ABCA5: variants seen among roughly 807,000 people sequenced by gnomAD.
ABCA5 encodes cholesterol transporter ABCA5.
ABCA5 carries 163 observed loss-of-function variants against 206.0 expected under a neutral mutation model. The observed-to-expected ratio is 0.79, with a 90% CI of 0.70 to 0.90. The LOEUF is 0.90. Among genes scored for constraint, ABCA5 ranks in the 40% least tolerant of loss-of-function variants. The probability of loss-of-function intolerance (pLI) is 0.00; values close to 1 mark genes in which losing one functional copy is unlikely to be tolerated. For synonymous variants in ABCA5, 609 were observed against 613.8 expected (o/e 0.99, Z 0.11); for missense variants, 1,859 against 1,912.9 (o/e 0.97, Z 0.53).
At chr17:69,268,190 T>C (rs1428678673) in intron 22 of ABCA5, 134 bp from the exon 23 acceptor site, 5 of 544,096 alleles carry the variant, frequency 9.2e-6, no homozygotes, top group Non-Finnish European at 1.7e-5. Flanking sequence ...AACCCAGGCA[T>C]AGTCTACATG....
chr17:69,277,468 A>T (rs557570001), intron 19 of ABCA5, among the ~76,000 whole-genome samples, 173 bp downstream of exon 19: 2 of 152,316 alleles, frequency 1.3e-5, no homozygotes, highest in African/African-American at 4.8e-5. Context: ...AAGACAGGGT[A>T]TTCGATGAAA....
intron 7 of ABCA5, among the ~76,000 whole-genome samples, chr17:69,303,808 ACATACATATATATATATG>A (rs2075681614): frequency 8.9e-4 from 6 of 6,706 alleles, no homozygotes; most frequent in African/African-American, 9.8e-4. Flanking sequence ...ATATATATAT[ACATACATATATATATATG>A]TATATATATA....
intron 23 of ABCA5, among the ~76,000 whole-genome samples, chr17:69,266,150 T>A (rs1350510700): frequency 2.6e-5 from 4 of 152,184 alleles, no homozygotes; most frequent in Non-Finnish European, 5.9e-5. Context: ...AAAATGCTAT[T>A]TGAAAAAAGC....
chr17:69,255,654 A>C lies in ABCA5; in HGVS notation c.3977-20T>G. On this transcript the variant is annotated intron_variant, in intron 30 of 38. Coordinates refer to ENST00000392676, the MANE Select transcript of ABCA5 (RefSeq NM_172232.4). ...TCTCTCCTAAAGGAATTGAAAGAAA[A>C]AAAAATCATAATCAAATCATACTAA... is the stretch of plus-strand genomic sequence containing the variant. The C allele has an allele frequency of 6.4e-7, 1 of 1,574,434 alleles. No individual in the cohort carries two copies. The highest frequency in any genetic ancestry group is 2.2e-5 in the East Asian group (1 of 44,466).
Position 69,287,464 on chromosome 17 carries a change from C to G in ABCA5, c.2041+149G>C. The stretch of plus-strand genomic sequence containing the variant: ...GGAGATTCTCAACACAAAAATGTAT[C>G]ATTTTAAAATTTTTTAGAACTTTTT... On this transcript the variant is annotated intron_variant, in intron 15 of 38. Transcript: ENST00000392676. 3 of 1,095,934 alleles carry G rather than the reference C, an allele frequency of 2.7e-6. No individual in the cohort carries two copies. The South Asian group carries it at 6.6e-5, about 24-fold the overall frequency. The allele number at this position is 1,095,934 out of a possible 1,614,324, so 67.9% of individuals were successfully genotyped here.
intron 4 of ABCA5, 57 bp from the exon 5 acceptor site, chr17:69,308,425 T>G: frequency 8.4e-7 from 1 of 1,187,030 alleles, no homozygotes; most frequent in Middle Eastern, 1.9e-4. Flanking sequence ...GTGCATCGTT[T>G]TAAAGATATT....
At chr17:69,323,890 T>A (rs1369786580) in intron 1 of ABCA5, among the ~76,000 whole-genome samples, 2 of 152,140 alleles carry the variant, frequency 1.3e-5, no homozygotes, top group Non-Finnish European at 2.9e-5. Context: ...GGTTGAAAAA[T>A]AATAATAATA....
chr17:69,310,649 CAGATA>C (rs2075759339), intron 3 of ABCA5, among the ~76,000 whole-genome samples: 1 of 152,166 alleles, frequency 6.6e-6, no homozygotes, highest in Non-Finnish European at 1.5e-5. Context: ...TCTTTCTCAT[CAGATA>C]AGACTAATTT....
chr17:69,312,310 T>A (rs2075778190), intron 3 of ABCA5, among the ~76,000 whole-genome samples: 1 of 152,144 alleles, frequency 6.6e-6, no homozygotes, highest in Non-Finnish European at 1.5e-5. Context: ...AAGACTTAGG[T>A]GGCACTTTAG....
chr17:69,294,861 AAAT>A, intron 10 of ABCA5, 148 bp from the exon 11 acceptor site: 4 of 529,850 alleles, frequency 7.5e-6, no homozygotes, highest in Non-Finnish European at 1.3e-5. Context: ...ACAATGAACC[AAAT>A]AATGTTGATA....
chr17:69,252,249 C>T (rs934296931), intron 34 of ABCA5, among the ~76,000 whole-genome samples: 6 of 151,978 alleles, frequency 3.9e-5, no homozygotes, highest in Non-Finnish European at 7.4e-5. Flanking sequence ...CTCCTGACCT[C>T]GTGGTCTGCT....
intron 5 of ABCA5, among the ~76,000 whole-genome samples, chr17:69,307,997 T>C (rs972372784): frequency 6.6e-6 from 1 of 152,142 alleles, no homozygotes; most frequent in Non-Finnish European, 1.5e-5. Flanking sequence ...ATTTGAATAG[T>C]TTGAATTCTA....
chr17:69,255,149 A>T (rs146744949), intron 31 of ABCA5, among the ~76,000 whole-genome samples: 1 of 152,292 alleles, frequency 6.6e-6, no homozygotes, highest in Non-Finnish European at 1.5e-5. Context: ...GAAGCAGGAA[A>T]TGGGATCAGG....
chr17:69,297,340 T>A lies in ABCA5; in HGVS notation c.1287A>T (p.Arg429Ser). The change falls in exon 10 of 39, where the codon AGA becomes AGT. Residue 429 changes from arginine (R) to serine (S), a missense_variant. By Grantham distance (110) the Arg-to-Ser change is moderately radical (BLOSUM62 -1). Coordinates refer to ENST00000392676, the MANE Select transcript of ABCA5 (RefSeq NM_172232.4). ...AAGGCTTCAGAAAATATAAAGATGA[T>A]CTCCGTAAGCCAAATTCCCCTGAAA... ...QVIPGEFGLR[R>S]SSLYFLKPSY... The A allele has an allele frequency of 6.2e-7, 1 of 1,600,644 alleles. No individual in the cohort carries two copies. Among genetic ancestry groups the A allele is most frequent in the Non-Finnish European group, 8.5e-7 (1 of 1,176,690 alleles).
Position 69,253,658 on chromosome 17 carries a change from C to A in ABCA5, c.4330G>T (p.Ala1444Ser), listed in dbSNP as rs754069144. Residue 1444 changes from alanine to serine, a missense_variant, in exon 34 of 39, where the codon GCT becomes TCT. Ala to Ser is a moderately conservative substitution (Grantham distance 99). Coordinates refer to ENST00000392676, the MANE Select transcript of ABCA5 (RefSeq NM_172232.4). ...PAGIKRKLCFALSMLGNPQIT... is the reference protein window; with the variant it reads ...PAGIKRKLCFSLSMLGNPQIT... Reference sequence around the variant, plus strand: ...TGAGGATTCCCTAGCATACTTAGAGCAAAACACAACTACATGGAAAGAAAA... The same window carrying A: ...TGAGGATTCCCTAGCATACTTAGAGAAAAACACAACTACATGGAAAGAAAA... 4 of 1,613,148 alleles carry A rather than the reference C, an allele frequency of 2.5e-6. No individual in the cohort carries two copies. The highest frequency in any genetic ancestry group is 3.4e-6 in the Non-Finnish European group (4 of 1,179,426).
rs1453296110 is a variant in ABCA5, at chr17:69,259,725, T to G, written c.3712A>C (p.Arg1238=). The G allele has an allele frequency of 6.2e-7, 1 of 1,605,976 alleles. No homozygotes were observed. Among genetic ancestry groups the G allele is most frequent in the East Asian group, 2.2e-5 (1 of 44,624 alleles). Residue 1238 remains arginine (R), a synonymous_variant, in exon 28 of 39, where the codon AGA becomes CGA. Coordinates refer to ENST00000392676, the MANE Select transcript of ABCA5 (RefSeq NM_172232.4). The stretch of plus-strand genomic sequence containing the variant: ...ACTGACCTGAAAAAGGGATCTTTTC[T>G]TATTGATCTGCCTCCATATTTTTTC... The part of the protein sequence containing the change: ...YEKKYGGRSI[R]KDPFFRNLST...
At position 69,326,658 on chromosome 17, in the gene ABCA5, T is replaced by C. The variant is rs1187629749; in HGVS notation, c.-16+394A>G. 1.3e-5 allele frequency among the ~76,000 whole-genome samples: 2 copies of C among 152,196 alleles called. No homozygotes were observed. The highest frequency in any genetic ancestry group is 2.1e-4 in the South Asian group (1 of 4,832). ...GACGGAAATTTACATCAATATTTGT[T>C]TTCCTTCTTTCCCTGAGGTTGCTGA... On this transcript the variant is annotated intron_variant, in intron 1 of 38. Coordinates refer to ENST00000392676, the MANE Select transcript of ABCA5 (RefSeq NM_172232.4). This position sits in a 1 kb window ranked among gnomAD's most constrained non-coding sequence, Gnocchi z 4.8.
intron 18 of ABCA5, among the ~76,000 whole-genome samples, chr17:69,281,559 T>A (rs193139526): frequency 8.1e-4 from 124 of 152,290 alleles, no homozygotes; most frequent in African/African-American, 2.9e-3. Flanking sequence ...CAGATAAATC[T>A]TCTTTGATCC....
At chr17:69,287,400 T>C (rs1208372711) in intron 15 of ABCA5, among the ~76,000 whole-genome samples, 1 of 152,192 alleles carries the variant, frequency 6.6e-6, no homozygotes, top group Non-Finnish European at 1.5e-5. Flanking sequence ...CTGAGTCATA[T>C]GAGTTCTTCT....
Sources: allele counts gnomAD v4.1 joint callset (sites outside exome capture counted in the v4.1 genomes callset), GRCh38; gene constraint gnomAD v4.1.1; non-coding constraint Gnocchi (gnomAD v3.1); transcripts MANE v1.5; gene names NCBI Gene and HGNC (gene_info 2026-07-23, HGNC 2026-07-21).